ADA2: variants seen among roughly 807,000 people sequenced by gnomAD.
ADA2 encodes the protein adenosine deaminase 2.
A neutral mutation model predicts 44.2 loss-of-function variants in ADA2; 29 were observed. The ratio of observed to expected loss-of-function variants is 0.66; its 90% CI spans 0.49 to 0.89. ADA2 has a LOEUF of 0.89. Among genes scored for constraint, ADA2 ranks in the 40% least tolerant of loss-of-function variants. The pLI is 0.00. For missense variants in ADA2, 637 were observed against 644.8 expected, an observed-to-expected ratio of 0.99 and a Z score of 0.13; for synonymous variants, 215 against 234.9, an observed-to-expected ratio of 0.92 and a Z score of 0.77.
rs1183691637 is a variant in ADA2, at chr22:17,191,575, C to T, written c.881+108G>A. The T allele has an allele frequency of 8.9e-6, 11 of 1,235,286 alleles. 1 individual carries two copies. The Admixed American group carries it at 1.8e-4, about 20-fold the overall frequency. The allele number at this position is 1,235,286 out of a possible 1,614,324, so 76.5% of individuals were successfully genotyped here. On this transcript the variant is annotated intron_variant, in intron 5 of 9. Transcript: ENST00000399837. ...ACAGCTCCTTGGCACCAGTGCTGGG[C>T]CTCTCCCGGCCTCCCAGCCCCGCTT...
rs1161932992 is a variant in ADA2, at chr22:17,182,724, A to G, written c.1119T>C (p.Asp373=). ...TTCTGGTAGTGTTCAGCATCAGAGC[A>G]TCCAGAATGTTCCTGTCTATGGAAG... ...QGTSIDRNIL[D]ALMLNTTRIG... is the part of the protein sequence containing the mutation. The change falls in exon 8 of 10, where the codon GAT becomes GAC. Residue 373 remains aspartate (D), a synonymous_variant. Coordinates refer to ENST00000399837, the MANE Select transcript of ADA2 (RefSeq NM_001282225.2). The G allele has an allele frequency of 2.5e-6, 4 of 1,613,824 alleles. No individual in the cohort carries two copies. The highest frequency in any genetic ancestry group is 4.5e-5 in the East Asian group (2 of 44,866).
intron 4 of ADA2, among the ~76,000 whole-genome samples, chr22:17,197,199 C>CTG (rs2123678195): frequency 6.6e-6 from 1 of 152,186 alleles, no homozygotes; most frequent in African/African-American, 2.4e-5. Flanking sequence ...CTGTAAAGGT[C>CTG]ATACAACTGG....
intron 1 of ADA2, among the ~76,000 whole-genome samples, chr22:17,210,464 A>G (rs992982206): frequency 2.6e-5 from 4 of 152,210 alleles, no homozygotes; most frequent in Non-Finnish European, 5.9e-5. Context: ...TGCTGGGATT[A>G]CAGGCATGAG....
At chr22:17,214,425 A>C (rs1397796994) in intron 1 of ADA2, among the ~76,000 whole-genome samples, 1 of 152,248 alleles carries the variant, frequency 6.6e-6, no homozygotes, top group Non-Finnish European at 1.5e-5. Flanking sequence ...ATTCAGAGGT[A>C]AAGCCCATTT....
In ADA2 at chr22:17,181,971, C is replaced by T; in HGVS notation, c.1291G>A (p.Ala431Thr). The T allele has an allele frequency of 6.2e-7, 1 of 1,614,110 alleles. No homozygotes were observed. Among genetic ancestry groups the T allele is most frequent in the Non-Finnish European group, 8.5e-7 (1 of 1,179,998 alleles). Residue 431 changes from alanine to threonine, a missense_variant, in exon 9 of 10, where the codon GCC becomes ACC. Physicochemically the swap from Ala to Thr is moderately conservative, Grantham distance 58. Transcript: ENST00000399837. ...CTGATCACCATGGGGTGCCCAGTGG[C>T]CATCAGAGTGGCTACAGGGTGGTTC... ...LRNHPVATLM[A>T]TGHPMVISSD... is the part of the protein sequence containing the mutation.
chr22:17,212,956 A>ATTT (rs34092800), intron 1 of ADA2, among the ~76,000 whole-genome samples: 53,597 of 144,076 alleles, frequency 0.37, 10,863 homozygotes, highest in East Asian at 0.54. Flanking sequence ...CACTCAGCTA[A>ATTT]TTTTTTTTTT....
At chr22:17,199,425 C>CCCA in intron 4 of ADA2, 3 of 978,634 alleles carry the variant, frequency 3.1e-6, no homozygotes, top group East Asian at 2.4e-5. Context: ...CTCCTCCCTC[C>CCCA]CCTCCTCTAT....
chr22:17,180,066 G>A lies in ADA2; in HGVS notation c.*1417C>T, dbSNP rs1248922629. Reference sequence around the variant, plus strand: ...AATCCGCTTGAACCCGGGAGGTGGAGGTTGCAGTGAGCCGAGATCGCACCG... The same window carrying A: ...AATCCGCTTGAACCCGGGAGGTGGAAGTTGCAGTGAGCCGAGATCGCACCG... On this transcript the variant is annotated 3_prime_UTR_variant, in exon 10 of 10. Transcript: ENST00000399837. The A allele has an allele frequency of 6.6e-6, 1 of 152,330 alleles. No individual in the cohort carries two copies. Among genetic ancestry groups the A allele is most frequent in the Non-Finnish European group, 1.5e-5 (1 of 68,168 alleles). 9.4% of individuals were successfully genotyped at this position (152,330 alleles called of 1,614,324 possible).
At chr22:17,199,438 T>TCTTCCCCTCCCACCCCTCCTCTATACA in intron 4 of ADA2, 1 of 995,472 alleles carries the variant, frequency 1.0e-6, no homozygotes, top group Non-Finnish European at 1.6e-6. Flanking sequence ...TCCTCTATCC[T>TCTTCCCCTCCCACCCCTCCTCTATACA]CTTCCCCTCC....
At chr22:17,185,739 AT>A (rs1208133862) in intron 7 of ADA2, among the ~76,000 whole-genome samples, 1 of 152,120 alleles carries the variant, frequency 6.6e-6, no homozygotes, top group Non-Finnish European at 1.5e-5. Flanking sequence ...GGAAAAAGAG[AT>A]TAATGCACAA....
intron 7 of ADA2, among the ~76,000 whole-genome samples, chr22:17,187,258 G>A (rs1210124514): frequency 4.6e-5 from 7 of 151,800 alleles, no homozygotes; most frequent in African/African-American, 1.7e-4. Flanking sequence ...GGGCTCAAGT[G>A]ATCCTCCTGC....
chr22:17,213,044 C>T (rs62239193), intron 1 of ADA2, among the ~76,000 whole-genome samples: 3,498 of 151,852 alleles, frequency 0.023, 71 homozygotes, highest in Non-Finnish European at 0.031. Context: ...CCTGCCTCTA[C>T]CTCCCGACAT....
At chr22:17,199,635 G>A in intron 4 of ADA2, 2 of 1,613,824 alleles carry the variant, frequency 1.2e-6, no homozygotes, top group Non-Finnish European at 1.7e-6. Flanking sequence ...CGCCATTTGA[G>A]GTGGGCGTGG....
At chr22:17,189,578 C>G (rs188016474) in intron 6 of ADA2, among the ~76,000 whole-genome samples, 14 of 152,282 alleles carry the variant, frequency 9.2e-5, no homozygotes, top group Admixed American at 7.8e-4. Flanking sequence ...GTTTTAAGAC[C>G]CACACCTAGG....
intron 2 of ADA2, among the ~76,000 whole-genome samples, chr22:17,207,868 C>A (rs962155462): frequency 6.6e-5 from 10 of 152,138 alleles, no homozygotes; most frequent in African/African-American, 1.4e-4. Flanking sequence ...TCATCCCCTG[C>A]GCTGGGCCTG....
intron 4 of ADA2, among the ~76,000 whole-genome samples, chr22:17,199,237 C>A (rs1218703528): frequency 6.6e-6 from 1 of 152,124 alleles, no homozygotes; most frequent in Non-Finnish European, 1.5e-5. Context: ...GGGCAGGCCC[C>A]CAAGTCTCTC....
chr22:17,205,212 G>A (rs2062340864), intron 3 of ADA2, among the ~76,000 whole-genome samples: 1 of 151,960 alleles, frequency 6.6e-6, no homozygotes, highest in African/African-American at 2.4e-5. Flanking sequence ...TAGAGACAGG[G>A]TTTCACCATG....
At chr22:17,182,547 A>G in intron 8 of ADA2, 57 bp downstream of exon 8, 2 of 1,562,392 alleles carry the variant, frequency 1.3e-6, no homozygotes, top group Non-Finnish European at 8.8e-7. Context: ...AGTTTAAGAG[A>G]GCAGAGGTTG....
intron 7 of ADA2, among the ~76,000 whole-genome samples, chr22:17,186,918 G>T (rs2062042309): frequency 6.6e-6 from 1 of 151,288 alleles, no homozygotes; most frequent in South Asian, 2.1e-4. Flanking sequence ...TGTAATCCCA[G>T]CACTTTGGGA....
Sources: gnomAD v4.1 joint callset for allele counts (sites outside exome capture counted in the v4.1 genomes callset) on GRCh38, gnomAD v4.1.1 for gene constraint, MANE v1.5 for transcripts, NCBI Gene and HGNC (gene_info 2026-07-23, HGNC 2026-07-21) for gene names.